The following MOV10L1 variants were observed in gnomAD, a reference collection of about 807,000 sequenced individuals.
MOV10L1 encodes the protein Mov10 like RNA helicase 1.
In MOV10L1, 110 loss-of-function variants were observed where a neutral mutation model predicts 143.8. That is an observed-to-expected ratio of 0.76 (90% CI 0.66 to 0.90). MOV10L1 has a LOEUF of 0.90. Among genes scored for constraint, MOV10L1 ranks in the 40% least tolerant of loss-of-function variants. The pLI, the probability that MOV10L1 is intolerant of heterozygous loss-of-function variation, is 0.00. For synonymous variants in MOV10L1, 593 were observed against 581.1 expected (o/e 1.02, Z -0.29); for missense variants, 1,406 against 1,526.8 (o/e 0.92, Z 1.32).
At chr22:50,141,017 T>A (rs2062968494) in intron 15 of MOV10L1, among the ~76,000 whole-genome samples, 1 of 152,110 alleles carries the variant, frequency 6.6e-6, no homozygotes, top group African/African-American at 2.4e-5. Flanking sequence ...CTACTTACAT[T>A]GGAACACACA....
chr22:50,122,376 G>C (rs1464616349), intron 10 of MOV10L1, among the ~76,000 whole-genome samples: 1 of 152,172 alleles, frequency 6.6e-6, no homozygotes, highest in East Asian at 1.9e-4. Context: ...TAGAAATGAA[G>C]ATAATTTTTG....
In MOV10L1 at chr22:50,153,328, TC is replaced by T. The variant is rs1476421366; in HGVS notation, c.3066+111del. 6.2e-6 allele frequency: 8 copies of T among 1,292,468 alleles called. No homozygotes were observed. In the African/African-American group the frequency reaches 1.0e-4, roughly 17 times the overall value. The allele number at this position is 1,292,468 out of a possible 1,614,324, so 80.1% of individuals were successfully genotyped here. On this transcript the variant is annotated intron_variant, in intron 22 of 26. Transcript: ENST00000262794. ...CACCTGCCTGTGGCGGGGCAGATGTTCTGCTGGTCTCCAGAGAGTGAAAAGC... is the reference window on the plus strand; with the variant it reads ...CACCTGCCTGTGGCGGGGCAGATGTTTGCTGGTCTCCAGAGAGTGAAAAGC...
chr22:50,133,842 C>T lies in MOV10L1; in HGVS notation c.1911-165C>T, dbSNP rs1479883552. ...TACACACGTGAGCCACCGCGCCCGT[C>T]CTCTCTAGTGTTTTTCTGTTCTCTA... On this transcript the variant is annotated intron_variant, in intron 13 of 26. Transcript: ENST00000262794. 1.3e-5 allele frequency among the ~76,000 whole-genome samples: 2 copies of T among 152,138 alleles called. 1 individual carries two copies. The highest frequency in any genetic ancestry group is 2.9e-5 in the Non-Finnish European group (2 of 68,026).
chr22:50,159,642 T>G lies in MOV10L1; in HGVS notation c.3217-36T>G. 3.2e-5 allele frequency: 41 copies of G among 1,267,762 alleles called. No homozygotes were observed. The highest frequency in any genetic ancestry group is 4.3e-5 in the Non-Finnish European group (38 of 880,384). The allele number at this position is 1,267,762 out of a possible 1,614,324, so 78.5% of individuals were successfully genotyped here. On this transcript the variant is annotated intron_variant, in intron 23 of 26. Transcript: ENST00000262794. This position sits in a 1 kb window ranked among gnomAD's most constrained non-coding sequence, Gnocchi z 4.1. ...AAAGAAAAGAAATGGATTTGTACAGTGTTATCTTTAGTCTTTCTTTTAATC... is the reference window on the plus strand; with the variant it reads ...AAAGAAAAGAAATGGATTTGTACAGGGTTATCTTTAGTCTTTCTTTTAATC...
chr22:50,146,822 T>C, intron 19 of MOV10L1: 1 of 465,864 alleles, frequency 2.1e-6, no homozygotes, highest in Non-Finnish European at 4.0e-6. Context: ...CTCTCTCACA[T>C]ACATGATGTC....
intron 15 of MOV10L1, among the ~76,000 whole-genome samples, chr22:50,138,028 A>G (rs1441457135): frequency 6.6e-6 from 1 of 152,038 alleles, no homozygotes; most frequent in Non-Finnish European, 1.5e-5. Flanking sequence ...AAAAGGAAAA[A>G]CCATATAATC....
At chr22:50,107,131 G>A (rs113878096) in intron 3 of MOV10L1, among the ~76,000 whole-genome samples, 1 of 151,056 alleles carries the variant, frequency 6.6e-6, no homozygotes, top group Non-Finnish European at 1.5e-5. Flanking sequence ...CTGGAGTGCA[G>A]TGGCGTGATC....
Position 50,128,590 on chromosome 22 carries a change from G to A in MOV10L1, c.1910+83G>A, listed in dbSNP as rs1012138682. On this transcript the variant is annotated intron_variant, in intron 13 of 26. Transcript: ENST00000262794. ...GACTGGGTCTCATTCTGTTGCCCAG[G>A]CTGGATTTCAGTGGCGCAATCTCGG... The A allele has an allele frequency of 1.2e-5, 9 of 730,978 alleles. No homozygotes were observed. In the African/African-American group the frequency reaches 1.5e-4, roughly 12 times the overall value. 45.3% of individuals were successfully genotyped at this position (730,978 alleles called of 1,614,324 possible).
chr22:50,140,586 T>A (rs1352685408), intron 15 of MOV10L1, among the ~76,000 whole-genome samples: 1 of 152,182 alleles, frequency 6.6e-6, no homozygotes, highest in Non-Finnish European at 1.5e-5. Flanking sequence ...CAAAAAAATC[T>A]TATAGTGTTT....
Position 50,153,086 on chromosome 22 carries a change from G to A in MOV10L1, c.2934G>A (p.Leu978=). The A allele has an allele frequency of 6.2e-7, 1 of 1,612,558 alleles. No individual in the cohort carries two copies. The highest frequency in any genetic ancestry group is 8.5e-7 in the Non-Finnish European group (1 of 1,178,676). ...LVKNYRSHEA[L]LMLPSRLFYH... is the part of the protein sequence containing the mutation. ...AGAACTACCGGTCCCACGAGGCCCT[G>A]CTGATGCTGCCCTCACGGCTGTTCT... is the stretch of plus-strand genomic sequence containing the variant. The change falls in exon 22 of 27, where the codon CTG becomes CTA. Residue 978 remains leucine, a synonymous_variant. Coordinates refer to ENST00000262794, the MANE Select transcript of MOV10L1 (RefSeq NM_018995.3).
intron 3 of MOV10L1, among the ~76,000 whole-genome samples, chr22:50,103,538 G>A (rs1372609688): frequency 2.6e-5 from 4 of 152,172 alleles, no homozygotes; most frequent in Admixed American, 1.3e-4. Context: ...ACAACCTAGA[G>A]CATGTCCAGA....
At chr22:50,103,641 G>C (rs557928071) in intron 3 of MOV10L1, among the ~76,000 whole-genome samples, 4 of 152,292 alleles carry the variant, frequency 2.6e-5, no homozygotes, top group Non-Finnish European at 4.4e-5. Context: ...TGGTGGCTCT[G>C]TCCCGGCCCT....
intron 2 of MOV10L1, among the ~76,000 whole-genome samples, chr22:50,092,594 C>T (rs2062480504): frequency 6.6e-6 from 1 of 152,178 alleles, no homozygotes; most frequent in Admixed American, 6.5e-5. Context: ...GTTATGATTG[C>T]ACTACCACAC....
intron 9 of MOV10L1, among the ~76,000 whole-genome samples, chr22:50,118,264 A>G (rs1270602739): frequency 1.3e-5 from 2 of 152,090 alleles, no homozygotes; most frequent in African/African-American, 4.8e-5. Context: ...AAGCTGTGTG[A>G]CCTTGGGCAA....
At chr22:50,161,136 C>T (rs2063550277) in intron 26 of MOV10L1, 81 bp downstream of exon 26, 4 of 1,401,624 alleles carry the variant, frequency 2.9e-6, no homozygotes, top group Admixed American at 1.7e-5. Context: ...TCCCCTCACC[C>T]CCATCCACTT....
At chr22:50,144,968 T>G (rs2063107694) in intron 18 of MOV10L1, among the ~76,000 whole-genome samples, 1 of 150,274 alleles carries the variant, frequency 6.7e-6, no homozygotes, top group Non-Finnish European at 1.5e-5. Flanking sequence ...TGAGACAGAG[T>G]TTTTGCTCTT....
At chr22:50,119,034 G>A (rs9617082) in intron 9 of MOV10L1, among the ~76,000 whole-genome samples, 21,240 of 152,110 alleles carry the variant, frequency 0.14, 1,625 homozygotes, top group Admixed American at 0.21. Context: ...CCCGAGGATC[G>A]AGTTTTAATG....
intron 7 of MOV10L1, 71 bp from the exon 8 acceptor site, chr22:50,115,043 C>G (rs1257555408): frequency 6.8e-7 from 1 of 1,474,200 alleles, no homozygotes; most frequent in East Asian, 2.4e-5. Context: ...TTCATTTCCA[C>G]TAAGCATGCC....
In MOV10L1 at chr22:50,152,336, A is replaced by G. The variant is rs1215099824; in HGVS notation, c.2893-709A>G. Among the ~76,000 whole-genome samples, 1 of 152,188 alleles carries G rather than the reference A, an allele frequency of 6.6e-6. No individual in the cohort carries two copies. Among genetic ancestry groups the G allele is most frequent in the South Asian group, 2.1e-4 (1 of 4,824 alleles). On this transcript the variant is annotated intron_variant, in intron 21 of 26. Coordinates refer to ENST00000262794, the MANE Select transcript of MOV10L1 (RefSeq NM_018995.3). This position sits in a 1 kb window ranked among gnomAD's most constrained non-coding sequence, Gnocchi z 4.4. ...ACGCAGCGAGTCCTCATGCCAATAC[A>G]TGGGTCACGTGATGAGCAGGGTCAA... is the stretch of plus-strand genomic sequence containing the variant.
Sources: allele counts gnomAD v4.1 joint callset (sites outside exome capture counted in the v4.1 genomes callset), GRCh38; gene constraint gnomAD v4.1.1; non-coding constraint Gnocchi (gnomAD v3.1); transcripts MANE v1.5; gene names NCBI Gene and HGNC (gene_info 2026-07-23, HGNC 2026-07-21).